SLC44A3: variants seen among roughly 807,000 people sequenced by gnomAD.
SLC44A3 encodes choline transporter-like protein 3.
In SLC44A3, 74 loss-of-function variants were observed where a neutral mutation model predicts 75.4. The ratio of observed to expected loss-of-function variants is 0.98; its 90% CI spans 0.81 to 1.19. The LOEUF is 1.19. Ranked by LOEUF, SLC44A3 falls within the 50% of genes most tolerant of loss-of-function variation. The pLI is 0.00. For missense variants in SLC44A3, 700 were observed against 778.6 expected, an observed-to-expected ratio of 0.90 and a Z score of 1.20; for synonymous variants, 310 against 296.9, an observed-to-expected ratio of 1.04 and a Z score of -0.45.
At chr1:94,894,241 T>C (rs1484123953) in intron 14 of SLC44A3, among the ~76,000 whole-genome samples, 1 of 152,208 alleles carries the variant, frequency 6.6e-6, no homozygotes, top group Non-Finnish European at 1.5e-5. Context: ...CAGAAATTGA[T>C]ACTCCATAAT....
intron 12 of SLC44A3, among the ~76,000 whole-genome samples, chr1:94,873,364 G>A (rs1465443495): frequency 1.3e-5 from 2 of 152,162 alleles, no homozygotes; most frequent in Admixed American, 1.3e-4. Flanking sequence ...CTTGCTATTT[G>A]ATCAGAAATG....
rs149065716 is a variant in SLC44A3, at chr1:94,856,870, A to G, written c.1073-465A>G. On this transcript the variant is annotated intron_variant, in intron 9 of 14. Coordinates refer to ENST00000271227, the MANE Select transcript of SLC44A3 (RefSeq NM_001114106.3). ...CTCAGCCTTCCGAATAGCTGGAACT[A>G]CAGGTGCCTGCGACCATGCTTGGCT... Among the ~76,000 whole-genome samples, 344 of 152,236 alleles carry G rather than the reference A, an allele frequency of 2.3e-3. 2 individuals are homozygous for G. Among genetic ancestry groups the G allele is most frequent in the African/African-American group, 7.9e-3 (330 of 41,528 alleles).
intron 12 of SLC44A3, among the ~76,000 whole-genome samples, chr1:94,887,816 G>C (rs113404491): frequency 0.013 from 1,988 of 152,240 alleles, 48 homozygotes; most frequent in African/African-American, 0.045. Flanking sequence ...GCTGTAAGAC[G>C]ATGCTGGGGG....
At chr1:94,842,711 C>T (rs1360238057) in intron 8 of SLC44A3, among the ~76,000 whole-genome samples, 1 of 151,700 alleles carries the variant, frequency 6.6e-6, no homozygotes, top group Non-Finnish European at 1.5e-5. Flanking sequence ...GCTCAAATCA[C>T]AAGGCCCTGG....
At chr1:94,861,224 T>C (rs143707782) in intron 10 of SLC44A3, among the ~76,000 whole-genome samples, 8 of 152,318 alleles carry the variant, frequency 5.3e-5, no homozygotes, top group African/African-American at 9.6e-5. Flanking sequence ...TGTAATTACA[T>C]TGGAAGAATG....
chr1:94,828,539 C>T lies in SLC44A3; in HGVS notation c.462C>T (p.His154=), dbSNP rs1661688284. The part of the protein sequence containing the change: ...VYSLNSFNYT[H]SPKADSLCPR... ...GTTTGAATTCCTTCAACTATACCCA[C>T]AGTCCAAAAGCAGACTCACTGTGTC... The change falls in exon 5 of 15, where the codon CAC becomes CAT. Residue 154 remains histidine (H), a synonymous_variant. Coordinates refer to ENST00000271227, the MANE Select transcript of SLC44A3 (RefSeq NM_001114106.3). 6.2e-7 allele frequency: 1 copy of T among 1,613,916 alleles called. No individual in the cohort carries two copies.
rs1661015171 is a variant in SLC44A3, at chr1:94,824,381, T to C, written c.136-112T>C. On this transcript the variant is annotated intron_variant, in intron 2 of 14. Coordinates refer to ENST00000271227, the MANE Select transcript of SLC44A3 (RefSeq NM_001114106.3). ...CTGACGGAGCAAAGCGCTATGATGC[T>C]GGAGAGCTTCACGTTCCACCAGGCT... The C allele has an allele frequency of 2.3e-6, 3 of 1,317,438 alleles. No homozygotes were observed. The East Asian group carries it at 7.6e-5, about 34-fold the overall frequency. 81.6% of individuals were successfully genotyped at this position (1,317,438 alleles called of 1,614,324 possible). A position where few individuals can be genotyped will look rare whatever the true frequency, so the allele number is the denominator to read the frequency against.
In SLC44A3 at chr1:94,827,906, A is replaced by G. The variant is rs188280165; in HGVS notation, c.415+263A>G. On this transcript the variant is annotated intron_variant, in intron 4 of 14. Coordinates refer to ENST00000271227, the MANE Select transcript of SLC44A3 (RefSeq NM_001114106.3). Reference sequence around the variant, plus strand: ...CTGCAGGGAATGGTCATCCACAGAGAGAGAGAGGAGACAGCCCACATTTAA... The same window carrying G: ...CTGCAGGGAATGGTCATCCACAGAGGGAGAGAGGAGACAGCCCACATTTAA... Among the ~76,000 whole-genome samples the G allele has an allele frequency of 8.6e-4, 131 of 152,216 alleles. 2 individuals carry two copies. Among genetic ancestry groups the G allele is most frequent in the Admixed American group, 1.1e-3 (17 of 15,292 alleles).
At chr1:94,892,646 C>CT (rs1670348565) in intron 14 of SLC44A3, 129 bp downstream of exon 14, 1 of 894,844 alleles carries the variant, frequency 1.1e-6, no homozygotes, top group Non-Finnish European at 1.7e-6. Context: ...CTTCTACTAC[C>CT]CCCGGGCCTG....
At chr1:94,825,515 G>A (rs1661196202) in intron 3 of SLC44A3, among the ~76,000 whole-genome samples, 1 of 151,972 alleles carries the variant, frequency 6.6e-6, no homozygotes, top group South Asian at 2.1e-4. Context: ...ATTTTTAGTA[G>A]AGACGGGGTT....
intron 7 of SLC44A3, among the ~76,000 whole-genome samples, chr1:94,840,663 A>C (rs1663504291): frequency 6.6e-6 from 1 of 152,180 alleles, no homozygotes; most frequent in Non-Finnish European, 1.5e-5. Flanking sequence ...CTGTATCCAT[A>C]ACGTTAAAAG....
rs34622297 is a variant in SLC44A3 at position 94,879,539 on chromosome 1, GAAA to G, written c.1483-11575_1483-11573del. ...AGAGCGAGACTCCGTCTCAAAAAAAGAAAAAAAAAAAAAAAAAAGGCTGGGCGC... is the reference window on the plus strand; with the variant it reads ...AGAGCGAGACTCCGTCTCAAAAAAAGAAAAAAAAAAAAAAAGGCTGGGCGC... On this transcript the variant is annotated intron_variant, in intron 12 of 14. Coordinates refer to ENST00000271227, the MANE Select transcript of SLC44A3 (RefSeq NM_001114106.3). 7.3e-3 allele frequency among the ~76,000 whole-genome samples: 879 copies of G among 119,926 alleles called. 5 individuals are homozygous for G. The highest frequency in any genetic ancestry group is 0.037 in the Middle Eastern group (7 of 188). The allele number at this position is 119,926 out of a possible 152,430, so 78.7% of individuals were successfully genotyped here.
intron 12 of SLC44A3, among the ~76,000 whole-genome samples, chr1:94,873,331 A>G (rs1204085939): frequency 6.6e-6 from 1 of 152,188 alleles, no homozygotes; most frequent in Non-Finnish European, 1.5e-5. Context: ...AGATCTAGTA[A>G]GTACATGTAC....
chr1:94,836,707 T>C (rs1662837682), intron 5 of SLC44A3: 1 of 152,142 alleles, frequency 6.6e-6, no homozygotes, highest in Non-Finnish European at 1.5e-5. Context: ...CTTGAGCTCA[T>C]GTTGCCCAGC....
At chr1:94,851,789 G>A (rs1024200881) in intron 9 of SLC44A3, among the ~76,000 whole-genome samples, 2 of 152,216 alleles carry the variant, frequency 1.3e-5, no homozygotes, top group South Asian at 2.1e-4. Flanking sequence ...CCAGTTTGCT[G>A]GACAAGGCCA....
chr1:94,881,051 GAT>G (rs1403558835), intron 12 of SLC44A3, among the ~76,000 whole-genome samples: 1 of 152,144 alleles, frequency 6.6e-6, no homozygotes, highest in Non-Finnish European at 1.5e-5. Flanking sequence ...AGAAAGAAAA[GAT>G]ATGTTACTAC....
chr1:94,820,611 T>G, intron 1 of SLC44A3, 133 bp downstream of exon 1: 1 of 1,369,984 alleles, frequency 7.3e-7, no homozygotes, highest in Non-Finnish European at 9.4e-7. Flanking sequence ...GCTTAGTACC[T>G]TGGGGCCACC....
intron 3 of SLC44A3, chr1:94,825,898 T>C (rs968506923): frequency 4.4e-6 from 2 of 456,246 alleles, no homozygotes; most frequent in Non-Finnish European, 8.8e-6. Flanking sequence ...CCATTTCACA[T>C]TGTGTTCATA....
rs560632639 is a variant in SLC44A3, at chr1:94,849,766, G to T, written c.1072+4302G>T. Among the ~76,000 whole-genome samples the T allele has an allele frequency of 1.3e-4, 20 of 152,198 alleles. No individual in the cohort carries two copies. The East Asian group carries it at 3.5e-3, about 26-fold the overall frequency. On this transcript the variant is annotated intron_variant, in intron 9 of 14. Coordinates refer to ENST00000271227, the MANE Select transcript of SLC44A3 (RefSeq NM_001114106.3). ...TGTTTGTTTTTGTGTTTTGTTTTTT[G>T]TTGGTTTTTGTTTGTTTGTTTTTCT...
Sources: gnomAD v4.1 joint callset for allele counts (sites outside exome capture counted in the v4.1 genomes callset) on GRCh38, gnomAD v4.1.1 for gene constraint, MANE v1.5 for transcripts, NCBI Gene and HGNC (gene_info 2026-07-23, HGNC 2026-07-21) for gene names.